Variants in TDRP observed in about 807,000 individuals in gnomAD.
TDRP encodes the protein testis development related protein.
TDRP carries 12 observed loss-of-function variants against 10.5 expected under a neutral mutation model. That is an observed-to-expected ratio of 1.15 (90% CI 0.73 to 1.86). The LOEUF is 1.86. Among genes scored for constraint, TDRP ranks in the 40% most tolerant of loss-of-function variants. TDRP has a pLI of 0.00. For missense variants in TDRP, 353 were observed against 229.2 expected, an observed-to-expected ratio of 1.54 and a Z score of -3.49; for synonymous variants, 139 against 95.4, an observed-to-expected ratio of 1.46 and a Z score of -2.67.
intron 1 of TDRP, among the ~76,000 whole-genome samples, chr8:512,147 C>T (rs973183494): frequency 1.3e-5 from 2 of 151,940 alleles, no homozygotes; most frequent in Admixed American, 6.6e-5. Flanking sequence ...AAATTGGGGC[C>T]GGATGCAGTG....
intron 1 of TDRP, among the ~76,000 whole-genome samples, chr8:540,371 C>G (rs1030323867): frequency 2.6e-5 from 4 of 152,160 alleles, no homozygotes; most frequent in African/African-American, 9.7e-5. Flanking sequence ...AGTGAGACAG[C>G]AAATCTTTGT....
intron 1 of TDRP, among the ~76,000 whole-genome samples, chr8:529,685 G>A (rs1322606503): frequency 6.6e-6 from 1 of 152,118 alleles, no homozygotes; most frequent in Non-Finnish European, 1.5e-5. Context: ...CACTTGAACT[G>A]TATCACCCCA....
intron 1 of TDRP, among the ~76,000 whole-genome samples, chr8:535,408 G>C (rs1044082487): frequency 7.2e-5 from 11 of 152,160 alleles, no homozygotes; most frequent in African/African-American, 2.7e-4. Context: ...CAGAACCCCA[G>C]CTAACGTGGG....
In TDRP at chr8:490,458, C is replaced by A. The variant is rs766768519; in HGVS notation, c.*1941G>T. 1.3e-5 allele frequency: 2 copies of A among 152,250 alleles called. No individual in the cohort carries two copies. Among genetic ancestry groups the A allele is most frequent in the Non-Finnish European group, 2.9e-5 (2 of 68,056 alleles). 9.4% of individuals were successfully genotyped at this position (152,250 alleles called of 1,614,324 possible). On this transcript the variant is annotated 3_prime_UTR_variant, in exon 3 of 3. Transcript: ENST00000324079. Reference sequence around the variant, plus strand: ...ACAGAGGCACGGCAACTGCAGCCATCACAGCCACAGAGCTCCCCACAACAT... The same window carrying A: ...ACAGAGGCACGGCAACTGCAGCCATAACAGCCACAGAGCTCCCCACAACAT...
chr8:511,735 C>G (rs77326814), intron 1 of TDRP, among the ~76,000 whole-genome samples: 12,103 of 152,176 alleles, frequency 0.08, 590 homozygotes, highest in Admixed American at 0.14. Flanking sequence ...TAAAACTATT[C>G]AAAGTCCTTT....
At chr8:513,805 G>A (rs967185262) in intron 1 of TDRP, among the ~76,000 whole-genome samples, 4 of 152,132 alleles carry the variant, frequency 2.6e-5, no homozygotes, top group Non-Finnish European at 2.9e-5. Context: ...CACAGTTACA[G>A]GACACATCAT....
At chr8:542,127 A>C (rs573987223) in intron 1 of TDRP, among the ~76,000 whole-genome samples, 77 of 152,330 alleles carry the variant, frequency 5.1e-4, no homozygotes, top group African/African-American at 1.6e-3. Flanking sequence ...CAGGAACCTT[A>C]AATGCATCTT....
At position 490,967 on chromosome 8, in the gene TDRP, T is replaced by A. The variant is rs1018095626; in HGVS notation, c.*1432A>T. 6.6e-6 allele frequency: 1 copy of A among 152,154 alleles called. No homozygotes were observed. The highest frequency in any genetic ancestry group is 3.4e-3 in the Middle Eastern group (1 of 294). The allele number at this position is 152,154 out of a possible 1,614,324, so 9.4% of individuals were successfully genotyped here. ...TAGAGGACAGGTGAATAGATACGGA[T>A]GATTGATAGGTATAAGTGATTGACA... On this transcript the variant is annotated 3_prime_UTR_variant, in exon 3 of 3. Transcript: ENST00000324079.
rs1438201680 is a variant in TDRP at position 490,231 on chromosome 8, CCA to C, written c.*2166_*2167del. On this transcript the variant is annotated 3_prime_UTR_variant, in exon 3 of 3. Transcript: ENST00000324079. ...CACCAATAAATATTTATATTAAAAACCACAGTTAATTTAATCAGGCACAGAAG... is the reference window on the plus strand; with the variant it reads ...CACCAATAAATATTTATATTAAAAACCAGTTAATTTAATCAGGCACAGAAG... 1.3e-5 allele frequency: 2 copies of C among 152,146 alleles called. No homozygotes were observed. The highest frequency in any genetic ancestry group is 6.5e-5 in the Admixed American group (1 of 15,284). The allele number at this position is 152,146 out of a possible 1,614,324, so 9.4% of individuals were successfully genotyped here. A position where few individuals can be genotyped will look rare whatever the true frequency, so the allele number is the denominator to read the frequency against.
intron 1 of TDRP, among the ~76,000 whole-genome samples, chr8:504,435 GC>G (rs1221268697): frequency 6.6e-6 from 1 of 152,078 alleles, no homozygotes; most frequent in Non-Finnish European, 1.5e-5. Context: ...CAGGGGAAGG[GC>G]CTAGAGCAGT....
chr8:533,453 C>T (rs1802262317), intron 1 of TDRP, among the ~76,000 whole-genome samples: 1 of 152,196 alleles, frequency 6.6e-6, no homozygotes. Flanking sequence ...GGCACCAACT[C>T]TGATCAGCAC....
intron 1 of TDRP, among the ~76,000 whole-genome samples, chr8:502,470 G>A (rs1339771926): frequency 6.6e-6 from 1 of 152,224 alleles, no homozygotes; most frequent in Non-Finnish European, 1.5e-5. Flanking sequence ...CCCACCAGAG[G>A]GGCTGCTGAT....
chr8:543,319 A>G (rs2116889493), intron 1 of TDRP, among the ~76,000 whole-genome samples: 1 of 152,300 alleles, frequency 6.6e-6, no homozygotes, highest in South Asian at 2.1e-4. Flanking sequence ...TCTCAAAATA[A>G]AAAATAAAAA....
chr8:544,894 G>C (rs1303473602), upstream of TDRP: 1 of 540,878 alleles, frequency 1.8e-6, no homozygotes, highest in Non-Finnish European at 2.7e-6. Context: ...CGGGGGCGGG[G>C]CACCCCCAGA....
At position 500,734 on chromosome 8, in the gene TDRP, G is replaced by A. The variant is rs148714449; in HGVS notation, c.109-6137C>T. Among the ~76,000 whole-genome samples the A allele has an allele frequency of 2.6e-3, 392 of 152,274 alleles. 1 individual carries two copies. Among genetic ancestry groups the A allele is most frequent in the Non-Finnish European group, 4.7e-3 (317 of 68,030 alleles). Reference sequence around the variant, plus strand: ...AGGAAGGGCAGGTGTATCGGACTCCGGCCCTGGGAGAAAGCCTCCAGGCTG... The same window carrying A: ...AGGAAGGGCAGGTGTATCGGACTCCAGCCCTGGGAGAAAGCCTCCAGGCTG... On this transcript the variant is annotated intron_variant, in intron 1 of 2. Coordinates refer to ENST00000324079, the MANE Select transcript of TDRP (RefSeq NM_001384899.1).
chr8:489,998 C>A lies in TDRP; in HGVS notation c.*2401G>T, dbSNP rs1800921837. On this transcript the variant is annotated 3_prime_UTR_variant, in exon 3 of 3. Coordinates refer to ENST00000324079, the MANE Select transcript of TDRP (RefSeq NM_001384899.1). ...AAAAAACCTCAACATTAAGGAGGAA[C>A]CCTTCTCTGAAGCACATCACTTTCC... 6.6e-6 allele frequency: 1 copy of A among 152,118 alleles called. No homozygotes were observed. Among genetic ancestry groups the A allele is most frequent in the African/African-American group, 2.4e-5 (1 of 41,422 alleles). The allele number at this position is 152,118 out of a possible 1,614,324, so 9.4% of individuals were successfully genotyped here.
At chr8:499,317 C>G (rs1801222299) in intron 1 of TDRP, among the ~76,000 whole-genome samples, 1 of 152,146 alleles carries the variant, frequency 6.6e-6, no homozygotes, top group Admixed American at 6.5e-5. Flanking sequence ...ATGCCTTAAT[C>G]TCCCATTTCT....
chr8:502,363 C>G (rs1584856406), intron 1 of TDRP, among the ~76,000 whole-genome samples: 1 of 152,326 alleles, frequency 6.6e-6, no homozygotes, highest in South Asian at 2.1e-4. Context: ...CATCAGGCCA[C>G]AGGAAGGCCC....
intron 1 of TDRP, among the ~76,000 whole-genome samples, chr8:501,745 T>C (rs1307873928): frequency 1.3e-5 from 2 of 152,212 alleles, no homozygotes; most frequent in Non-Finnish European, 2.9e-5. Context: ...TCAGGAACAC[T>C]GCATCACAGC....
Sources: gnomAD v4.1 joint callset for allele counts (sites outside exome capture counted in the v4.1 genomes callset) on GRCh38, gnomAD v4.1.1 for gene constraint, MANE v1.5 for transcripts, NCBI Gene and HGNC (gene_info 2026-07-23, HGNC 2026-07-21) for gene names.